ABTB3: variants seen among roughly 807,000 people sequenced by gnomAD.
ABTB3 encodes the protein ankyrin repeat and BTB domain containing 3.
the ABTB3 span, among the ~76,000 whole-genome samples, chr12:107,602,049 C>T: frequency 3.9e-5 from 6 of 152,278 alleles, no homozygotes; most frequent in South Asian, 1.2e-3. Context: ...CTGGGAGCTG[C>T]CGGTTACCTT....
the ABTB3 span, among the ~76,000 whole-genome samples, chr12:107,449,549 C>T: frequency 3.5e-3 from 538 of 152,228 alleles, 1 homozygote; most frequent in Non-Finnish European, 5.5e-3. Context: ...TGTTGGCCAC[C>T]GAGCAAAATA....
At chr12:107,538,225 G>A in the ABTB3 span, among the ~76,000 whole-genome samples, 4 of 152,244 alleles carry the variant, frequency 2.6e-5, no homozygotes, top group Admixed American at 6.5e-5. Context: ...AGCGTGGTGT[G>A]GGGGAGAGCC....
the ABTB3 span, chr12:107,520,713 A>C: frequency 1.9e-6 from 3 of 1,564,530 alleles, no homozygotes; most frequent in African/African-American, 4.0e-5. Flanking sequence ...CAATGTCCTC[A>C]TGCCAACCCC....
At chr12:107,422,169 G>C in the ABTB3 span, among the ~76,000 whole-genome samples, 2 of 152,134 alleles carry the variant, frequency 1.3e-5, no homozygotes, top group South Asian at 2.1e-4. Context: ...GGAAGATACT[G>C]GGGGAGAGGA....
the ABTB3 span, among the ~76,000 whole-genome samples, chr12:107,523,668 T>C: frequency 6.6e-6 from 1 of 152,214 alleles, no homozygotes; most frequent in Non-Finnish European, 1.5e-5. Flanking sequence ...TATTTTGAGA[T>C]GTCTGCGACA....
chr12:107,480,269 A>G, the ABTB3 span, among the ~76,000 whole-genome samples: 8 of 152,030 alleles, frequency 5.3e-5, no homozygotes, highest in African/African-American at 1.7e-4. Flanking sequence ...TGTGGAGGGC[A>G]TTGCATGACC....
chr12:107,332,001 G>C, the ABTB3 span, among the ~76,000 whole-genome samples: 3 of 152,244 alleles, frequency 2.0e-5, no homozygotes, highest in Non-Finnish European at 4.4e-5. Flanking sequence ...AACAGACCAA[G>C]AGTGAGCTGG....
At chr12:107,653,980 A>G in the ABTB3 span, among the ~76,000 whole-genome samples, 1 of 151,984 alleles carries the variant, frequency 6.6e-6, no homozygotes, top group East Asian at 1.9e-4. Context: ...TTACCATTCT[A>G]CTTCCTGTCT....
At chr12:107,607,420 C>T in the ABTB3 span, among the ~76,000 whole-genome samples, 2 of 152,160 alleles carry the variant, frequency 1.3e-5, no homozygotes. Context: ...GCCGGGGTAG[C>T]CCTCTGTCTT....
At chr12:107,455,315 A>C in the ABTB3 span, among the ~76,000 whole-genome samples, 1 of 152,170 alleles carries the variant, frequency 6.6e-6, no homozygotes, top group Non-Finnish European at 1.5e-5. Flanking sequence ...CTCCAAGCCC[A>C]AAGGGGGTTC....
chr12:107,383,059 G>A, the ABTB3 span, among the ~76,000 whole-genome samples: 1 of 152,096 alleles, frequency 6.6e-6, no homozygotes, highest in South Asian at 2.1e-4. Context: ...ATTGCTTCTA[G>A]TTCCCTTATA....
chr12:107,647,839 A>G, the ABTB3 span, among the ~76,000 whole-genome samples: 3 of 152,194 alleles, frequency 2.0e-5, no homozygotes, highest in Non-Finnish European at 2.9e-5. Context: ...AGCCTAACTT[A>G]ATTCAGGTCC....
At chr12:107,606,536 T>C in the ABTB3 span, among the ~76,000 whole-genome samples, 1 of 152,084 alleles carries the variant, frequency 6.6e-6, no homozygotes, top group African/African-American at 2.4e-5. Flanking sequence ...AGGTGCCCAA[T>C]AACGTTTATC....
At chr12:107,407,728 T>C in the ABTB3 span, among the ~76,000 whole-genome samples, 3 of 151,820 alleles carry the variant, frequency 2.0e-5, no homozygotes, top group Non-Finnish European at 4.4e-5. Flanking sequence ...GGCTGAAGAG[T>C]TGGGAACATT....
the ABTB3 span, among the ~76,000 whole-genome samples, chr12:107,534,794 A>C: frequency 6.6e-6 from 1 of 152,190 alleles, no homozygotes. Flanking sequence ...CTGACTCAGT[A>C]ATAAACATTC....
At chr12:107,566,648 T>C in the ABTB3 span, among the ~76,000 whole-genome samples, 12 of 136,454 alleles carry the variant, frequency 8.8e-5, no homozygotes, top group African/African-American at 3.3e-4. Flanking sequence ...CTAATTTAAA[T>C]ACACACACAC....
the ABTB3 span, among the ~76,000 whole-genome samples, chr12:107,469,868 T>TTCTTTCTTTCTTTC: frequency 5.0e-5 from 4 of 80,098 alleles, 1 homozygote; most frequent in African/African-American, 2.4e-4. Flanking sequence ...TTTCTTTCTT[T>TTCTTTCTTTCTTTC]TCTTTCTTTC....
the ABTB3 span, among the ~76,000 whole-genome samples, chr12:107,457,597 C>T: frequency 2.0e-5 from 3 of 152,182 alleles, no homozygotes; most frequent in Non-Finnish European, 2.9e-5. Context: ...AAAAATGCTG[C>T]GAGCTCAGAG....
the ABTB3 span, among the ~76,000 whole-genome samples, chr12:107,414,351 T>A: frequency 4.6e-5 from 7 of 152,306 alleles, no homozygotes; most frequent in Non-Finnish European, 7.3e-5. Context: ...AATCAGCTCC[T>A]GTCATTCCCC....
Sources: gnomAD v4.1 joint callset for allele counts (sites outside exome capture counted in the v4.1 genomes callset) on GRCh38, gnomAD v4.1.1 for gene constraint, MANE v1.5 for transcripts, NCBI Gene and HGNC (gene_info 2026-07-23, HGNC 2026-07-21) for gene names.